LRFN5: variants seen among roughly 807,000 people sequenced by gnomAD.
LRFN5 encodes leucine-rich repeat and fibronectin type-III domain-containing protein 5.
Under a neutral mutation model 45.6 loss-of-function variants are expected in LRFN5, and 24 were observed. The observed-to-expected ratio is 0.53, with a 90% confidence interval of 0.38 to 0.74. The LOEUF is 0.74. Ranked by LOEUF, LRFN5 falls within the 30% of genes least tolerant of loss-of-function variation. The probability of loss-of-function intolerance (pLI) is 0.00; values close to 1 mark genes in which losing one functional copy is unlikely to be tolerated. For synonymous variants in LRFN5, 340 were observed against 313.8 expected (o/e 1.08, Z -0.88); for missense variants, 776 against 861.5 (o/e 0.90, Z 1.24).
chr14:41,635,345 G>A lies in LRFN5; in HGVS notation c.-197+26783G>A, dbSNP rs190354211. ...CATAAATAAGATTATGTATTCACAGGCCTCTGTGTTGGCTAGTACATATAA... is the reference window on the plus strand; with the variant it reads ...CATAAATAAGATTATGTATTCACAGACCTCTGTGTTGGCTAGTACATATAA... On this transcript the variant is annotated intron_variant, in intron 1 of 5. Transcript: ENST00000298119. Among the ~76,000 whole-genome samples the A allele has an allele frequency of 2.6e-5, 4 of 152,152 alleles. No homozygotes were observed. In the East Asian group the frequency reaches 5.8e-4, roughly 22 times the overall value.
At chr14:41,876,473 T>C (rs1296391969) in intron 2 of LRFN5, among the ~76,000 whole-genome samples, 5 of 150,900 alleles carry the variant, frequency 3.3e-5, no homozygotes, top group African/African-American at 9.7e-5. Flanking sequence ...TTTTCTTGTA[T>C]TTTTAGTAGA....
chr14:41,788,009 A>G (rs1886790206), intron 2 of LRFN5, among the ~76,000 whole-genome samples: 1 of 152,092 alleles, frequency 6.6e-6, no homozygotes, highest in Admixed American at 6.6e-5. Context: ...AGATATAGTG[A>G]GAAGGCAGCT....
intron 2 of LRFN5, among the ~76,000 whole-genome samples, chr14:41,852,657 G>A (rs543198682): frequency 6.6e-6 from 1 of 151,794 alleles, no homozygotes; most frequent in South Asian, 2.1e-4. Flanking sequence ...TTTCAGCTTT[G>A]CACTAAATTT....
intron 1 of LRFN5, among the ~76,000 whole-genome samples, chr14:41,703,374 T>C (rs563109384): frequency 6.6e-6 from 1 of 152,270 alleles, no homozygotes; most frequent in African/African-American, 2.4e-5. Context: ...TTTCCTTTTA[T>C]TTTTCCTGAA....
At chr14:41,837,664 T>A (rs184756306) in intron 2 of LRFN5, among the ~76,000 whole-genome samples, 50 of 152,292 alleles carry the variant, frequency 3.3e-4, no homozygotes, top group African/African-American at 1.2e-3. Context: ...GGGATCATTT[T>A]TTTTTTCAGT....
chr14:41,815,405 A>G (rs757703654), intron 2 of LRFN5, among the ~76,000 whole-genome samples: 26 of 151,932 alleles, frequency 1.7e-4, no homozygotes, highest in Admixed American at 5.9e-4. Context: ...ATCTCCACTT[A>G]TTTACTTTTA....
At chr14:41,635,518 A>G (rs1302803570) in intron 1 of LRFN5, among the ~76,000 whole-genome samples, 1 of 152,184 alleles carries the variant, frequency 6.6e-6, no homozygotes, top group African/African-American at 2.4e-5. Context: ...TAATCAAATC[A>G]GAATACTAAG....
intron 3 of LRFN5, among the ~76,000 whole-genome samples, chr14:41,890,436 G>A (rs994113667): frequency 1.3e-5 from 2 of 151,982 alleles, no homozygotes; most frequent in African/African-American, 2.4e-5. Context: ...GGCCGGGCGC[G>A]GTGGCTCACG....
chr14:41,857,638 C>A (rs1372763050), intron 2 of LRFN5, among the ~76,000 whole-genome samples: 1 of 152,192 alleles, frequency 6.6e-6, no homozygotes, highest in African/African-American at 2.4e-5. Context: ...CCTGTACTAC[C>A]TGTGTGGTGA....
chr14:41,765,954 A>G (rs1194873481), intron 1 of LRFN5, among the ~76,000 whole-genome samples: 1 of 152,154 alleles, frequency 6.6e-6, no homozygotes, highest in African/African-American at 2.4e-5. Context: ...GATCATTCAT[A>G]TATCTTTACA....
At chr14:41,639,937 C>A (rs1239549306) in intron 1 of LRFN5, among the ~76,000 whole-genome samples, 1 of 139,858 alleles carries the variant, frequency 7.2e-6, no homozygotes, top group African/African-American at 2.6e-5. Context: ...TGGATGCCAA[C>A]ATGACTGGCT....
chr14:41,889,986 G>A (rs1235815638), intron 3 of LRFN5, among the ~76,000 whole-genome samples: 1 of 151,928 alleles, frequency 6.6e-6, no homozygotes, highest in Non-Finnish European at 1.5e-5. Flanking sequence ...GTCTCAGCCT[G>A]CCCAGTAGCT....
At chr14:41,716,168 T>C (rs1443239746) in intron 1 of LRFN5, among the ~76,000 whole-genome samples, 1 of 152,106 alleles carries the variant, frequency 6.6e-6, no homozygotes, top group Non-Finnish European at 1.5e-5. Context: ...CCAAGACCAC[T>C]TTTTCCTCCT....
chr14:41,640,675 G>T (rs1202700435), intron 1 of LRFN5, among the ~76,000 whole-genome samples: 1 of 151,990 alleles, frequency 6.6e-6, no homozygotes, highest in East Asian at 1.9e-4. Context: ...ACTTGTATCT[G>T]GATATTAGAT....
At chr14:41,704,448 C>CTCTCTCTCTGTGTGTGTGTGTGTGTG (rs200253065) in intron 1 of LRFN5, among the ~76,000 whole-genome samples, 7 of 124,294 alleles carry the variant, frequency 5.6e-5, no homozygotes, top group African/African-American at 2.3e-4. Flanking sequence ...CTCTCTCTCT[C>CTCTCTCTCTGTGTGTGTGTGTGTGTG]TGTGTGTGTG....
chr14:41,737,834 A>G (rs1197056386), intron 1 of LRFN5, among the ~76,000 whole-genome samples: 2 of 152,198 alleles, frequency 1.3e-5, no homozygotes, highest in African/African-American at 2.4e-5. Context: ...ACCACTGCTC[A>G]GTAAAATAAG....
Position 41,729,608 on chromosome 14 carries a change from T to C in LRFN5, c.-196-37246T>C, listed in dbSNP as rs1313549995. On this transcript the variant is annotated intron_variant, in intron 1 of 5. Transcript: ENST00000298119. ...TCTATACAGGAAAGAATACATTATT[T>C]TGAGTGACAATGCTTTTGTAATTTC... is the stretch of plus-strand genomic sequence containing the variant. 9.9e-5 allele frequency among the ~76,000 whole-genome samples: 15 copies of C among 152,252 alleles called. No homozygotes were observed. The South Asian group carries it at 3.1e-3, about 32-fold the overall frequency.
intron 2 of LRFN5, among the ~76,000 whole-genome samples, chr14:41,804,309 T>C (rs1406624641): frequency 1.3e-5 from 2 of 151,990 alleles, no homozygotes; most frequent in Non-Finnish European, 2.9e-5. Flanking sequence ...ATGGTCCTAG[T>C]GTACCAAGTT....
chr14:41,832,156 C>G (rs1888506648), intron 2 of LRFN5, among the ~76,000 whole-genome samples: 1 of 152,046 alleles, frequency 6.6e-6, no homozygotes, highest in Non-Finnish European at 1.5e-5. Context: ...CATGGCAGTC[C>G]TCATCAAGCA....
Sources: gnomAD v4.1 joint callset for allele counts (sites outside exome capture counted in the v4.1 genomes callset) on GRCh38, gnomAD v4.1.1 for gene constraint, MANE v1.5 for transcripts, NCBI Gene and HGNC (gene_info 2026-07-23, HGNC 2026-07-21) for gene names.